HDAC10: variants seen among roughly 807,000 people sequenced by gnomAD.
HDAC10 encodes polyamine deacetylase HDAC10.
HDAC10 carries 90 observed loss-of-function variants against 82.3 expected under a neutral mutation model. The ratio of observed to expected loss-of-function variants is 1.09; its 90% confidence interval spans 0.92 to 1.30. The LOEUF (loss-of-function observed/expected upper bound fraction) is 1.30, where lower values mean the gene tolerates loss of function less well. HDAC10 is among the 50% of genes most tolerant of loss of function. HDAC10 has a pLI of 0.00. For synonymous variants in HDAC10, 456 were observed against 391.7 expected (o/e 1.16, Z -1.94); for missense variants, 934 against 876.3 (o/e 1.07, Z -0.83).
chr22:50,246,465 G>T, intron 16 of HDAC10, 89 bp from the exon 17 acceptor site: 1 of 1,202,824 alleles, frequency 8.3e-7, no homozygotes, highest in Non-Finnish European at 1.2e-6. Context: ...CATTCACGGG[G>T]CCATGGGCAG....
chr22:50,249,552 C>T lies in HDAC10; in HGVS notation c.563+83G>A. 1 of 1,606,836 alleles carries T rather than the reference C, an allele frequency of 6.2e-7. No individual in the cohort carries two copies. Among genetic ancestry groups the T allele is most frequent in the South Asian group, 1.1e-5 (1 of 90,822 alleles). ...CTGACCCCTGAGCACATGTCTGTAT[C>T]TCACCCCTGGATTTTCCCAGGCCAG... On this transcript the variant is annotated intron_variant, in intron 6 of 19. Coordinates refer to ENST00000216271, the MANE Select transcript of HDAC10 (RefSeq NM_032019.6). This position sits in a 1 kb window ranked among gnomAD's most constrained non-coding sequence, Gnocchi z 4.4.
chr22:50,245,801 G>T lies in HDAC10; in HGVS notation c.1860C>A (p.Ile620=). The change falls in exon 19 of 20, where the codon ATC becomes ATA. Residue 620 remains isoleucine, a synonymous_variant. Coordinates refer to ENST00000216271, the MANE Select transcript of HDAC10 (RefSeq NM_032019.6). ...EENSTPQLAG[I]LARVLNGEAP... is the part of the protein sequence containing the mutation. ...CCTCTCCATTCAGCACCCGGGCCAG[G>T]ATCCCTGCTAGCTGGGGTGTGGAGT... 1 of 1,585,364 alleles carries T rather than the reference G, an allele frequency of 6.3e-7. No homozygotes were observed. Among genetic ancestry groups the T allele is most frequent in the Non-Finnish European group, 8.6e-7 (1 of 1,165,968 alleles).
intron 2 of HDAC10, 64 bp from the exon 3 acceptor site, chr22:50,250,587 G>A: frequency 7.1e-7 from 1 of 1,401,552 alleles, no homozygotes; most frequent in South Asian, 1.2e-5. Context: ...GCGGGAGGCG[G>A]GGACCTGGGA....
Position 50,246,072 on chromosome 22 carries a change from G to T in HDAC10, c.1671C>A (p.Ser557Arg). ...PLPVMTGGFL[S>R]CILGLVLPLA... ...GGGGCAGCACCAAGCCCAAGATGCA[G>T]CTCAGGAAACCACCGGTCATCTGTG... Residue 557 changes from serine (S) to arginine (R), a missense_variant, in exon 18 of 20, where the codon AGC becomes AGA. Physicochemically the swap from Ser to Arg is moderately radical, Grantham distance 110. Transcript: ENST00000216271. 1 of 1,608,640 alleles carries T rather than the reference G, an allele frequency of 6.2e-7. No individual in the cohort carries two copies. Among genetic ancestry groups the T allele is most frequent in the Non-Finnish European group, 8.5e-7 (1 of 1,176,958 alleles).
Position 50,245,951 on chromosome 22 carries a change from G to A in HDAC10, c.1792C>T (p.Arg598Trp), listed in dbSNP as rs768669155. ...PHAALLAAMLRGLAGGRVLAL... is the reference protein window; with the variant it reads ...PHAALLAAMLWGLAGGRVLAL... ...AGGACTCGGCCCCCTGCCAGCCCCCGAAGCATTGCAGCCAGGAGTGCAGCG... is the reference window on the plus strand; with the variant it reads ...AGGACTCGGCCCCCTGCCAGCCCCCAAAGCATTGCAGCCAGGAGTGCAGCG... The change falls in exon 18 of 20, where the codon CGG (arginine) becomes TGG (tryptophan). Residue 598 changes from arginine to tryptophan, a missense_variant. Physicochemically the swap from Arg to Trp is moderately radical, Grantham distance 101 (BLOSUM62 -3). Coordinates refer to ENST00000216271, the MANE Select transcript of HDAC10 (RefSeq NM_032019.6). 17 of 1,601,418 alleles carry A rather than the reference G, an allele frequency of 1.1e-5. No homozygotes were observed. Among genetic ancestry groups the A allele is most frequent in the South Asian group, 5.6e-5 (5 of 89,508 alleles).
At position 50,245,901 on chromosome 22, in the gene HDAC10, C is replaced by T; in HGVS notation, c.1833+9G>A. ...CCACCCCGCAGCACCTCCACCCTGC[C>T]CAGCTTACCTCCTCCAGGAGGGCCA... On this transcript the variant is annotated intron_variant, in intron 18 of 19. Transcript: ENST00000216271. 1 of 1,566,418 alleles carries T rather than the reference C, an allele frequency of 6.4e-7. No individual in the cohort carries two copies. The highest frequency in any genetic ancestry group is 8.7e-7 in the Non-Finnish European group (1 of 1,155,794).
At chr22:50,247,543 C>G in intron 14 of HDAC10, 149 bp downstream of exon 14, 1 of 608,936 alleles carries the variant, frequency 1.6e-6, no homozygotes, top group South Asian at 2.3e-5. Flanking sequence ...TGGGGCTGTT[C>G]TGGGAACAGT....
chr22:50,246,908 G>C lies in HDAC10; in HGVS notation c.1481C>G (p.Ala494Gly). Residue 494 changes from alanine (A) to glycine (G), a missense_variant, in exon 15 of 20, where the codon GCT becomes GGT. Transcript: ENST00000216271. Reference sequence around the variant, plus strand: ...TCCGTGGGACAGGCCTCTCCGAACAGCCACATCCAGGGTGGCTGCTGCAGC... The same window carrying C: ...TCCGTGGGACAGGCCTCTCCGAACACCCACATCCAGGGTGGCTGCTGCAGC... ...ASAAAATLDVAVRRGLSHGAQ... is the reference protein window; with the variant it reads ...ASAAAATLDVGVRRGLSHGAQ... 1 of 1,612,396 alleles carries C rather than the reference G, an allele frequency of 6.2e-7. No individual in the cohort carries two copies. Among genetic ancestry groups the C allele is most frequent in the South Asian group, 1.1e-5 (1 of 90,980 alleles).
Position 50,249,109 on chromosome 22 carries a change from G to T in HDAC10, c.750C>A (p.Ala250=), listed in dbSNP as rs1351331152. ...AAFLHLLLPL[A]FEFDPELVLV... is the part of the protein sequence containing the mutation. Reference sequence around the variant, plus strand: ...GAGCCCTCCGTGCAGTCACCTCAAAGGCCAGTGGGAGCAGCAGGTGCAGGA... The same window carrying T: ...GAGCCCTCCGTGCAGTCACCTCAAATGCCAGTGGGAGCAGCAGGTGCAGGA... Residue 250 remains alanine (A), a synonymous_variant, in exon 8 of 20, where the codon GCC becomes GCA. Coordinates refer to ENST00000216271, the MANE Select transcript of HDAC10 (RefSeq NM_032019.6). This position sits in a 1 kb window ranked among gnomAD's most constrained non-coding sequence, Gnocchi z 4.4. 1.2e-6 allele frequency: 2 copies of T among 1,600,266 alleles called. No individual in the cohort carries two copies. Among genetic ancestry groups the T allele is most frequent in the African/African-American group, 1.3e-5 (1 of 74,740 alleles).
rs201680425 is a variant in HDAC10, at chr22:50,246,874, C to T, written c.1514+1G>A. 9.9e-5 allele frequency: 159 copies of T among 1,611,090 alleles called. 1 individual carries two copies. The highest frequency in any genetic ancestry group is 9.3e-6 in the Non-Finnish European group (11 of 1,178,448). ...GCTCAGGATGGCCAAGTGAGGCTTA[C>T]CTCTGGGCTCCGTGGGACAGGCCTC... is the stretch of plus-strand genomic sequence containing the variant. On this transcript the variant is annotated splice_donor_variant, in intron 15 of 19. Transcript: ENST00000216271. LOFTEE classifies it high-confidence loss of function.
chr22:50,248,299 G>C lies in HDAC10; in HGVS notation c.1014-7C>G, dbSNP rs1424433596. 2 of 1,612,336 alleles carry C rather than the reference G, an allele frequency of 1.2e-6. No individual in the cohort carries two copies. Among genetic ancestry groups the C allele is most frequent in the Admixed American group, 3.3e-5 (2 of 59,998 alleles). ...CTGGATGGACTCTAGGGCACTGTGA[G>C]GGAGACACAACAGTCGTGACACCTG... On this transcript the variant is annotated splice_polypyrimidine_tract_variant and splice_region_variant and intron_variant, in intron 11 of 19. Coordinates refer to ENST00000216271, the MANE Select transcript of HDAC10 (RefSeq NM_032019.6). The surrounding 1 kb of genome is among the most constrained non-coding windows in gnomAD (Gnocchi z 5.4).
chr22:50,248,415 G>A lies in HDAC10; in HGVS notation c.964C>T (p.Leu322=). ...GACAGGGGTGGGGCCGGGTCACCCA[G>A]CAGCGTCTGTACTGTCATGCACACT... is the stretch of plus-strand genomic sequence containing the variant. The part of the protein sequence containing the change: ...ESVCMTVQTL[L]GDPAPPLSGP... Residue 322 remains leucine (L), a synonymous_variant, in exon 11 of 20, where the codon CTG becomes TTG. Coordinates refer to ENST00000216271, the MANE Select transcript of HDAC10 (RefSeq NM_032019.6). This position sits in a 1 kb window ranked among gnomAD's most constrained non-coding sequence, Gnocchi z 5.4. 6.2e-7 allele frequency: 1 copy of A among 1,608,892 alleles called. No homozygotes were observed.
chr22:50,247,336 T>C (rs2064979128), intron 14 of HDAC10: 1 of 306,270 alleles, frequency 3.3e-6, no homozygotes, highest in Non-Finnish European at 6.1e-6. Context: ...TCTCCATATG[T>C]TCTCTAGGCT....
In HDAC10 at chr22:50,249,534, C is replaced by G. The variant is rs1255558875; in HGVS notation, c.564-80G>C. ...ACAGCTCCCTGTAGAACGCTGACCC[C>G]TGAGCACATGTCTGTATCTCACCCC... On this transcript the variant is annotated intron_variant, in intron 6 of 19. Coordinates refer to ENST00000216271, the MANE Select transcript of HDAC10 (RefSeq NM_032019.6). The surrounding 1 kb of genome is among the most constrained non-coding windows in gnomAD (Gnocchi z 4.4). 1.6e-5 allele frequency: 25 copies of G among 1,605,658 alleles called. No homozygotes were observed. The highest frequency in any genetic ancestry group is 1.7e-4 in the Middle Eastern group (1 of 6,042).
rs1246595725 is a variant in HDAC10, at chr22:50,250,695, G to A, written c.194+76C>T. On this transcript the variant is annotated intron_variant, in intron 2 of 19. Coordinates refer to ENST00000216271, the MANE Select transcript of HDAC10 (RefSeq NM_032019.6). ...CTGTATTCGAGGCTGGCAGGCTCGGGGTAGGCCCAGGTTCTTAGGTTTCTA... is the reference window on the plus strand; with the variant it reads ...CTGTATTCGAGGCTGGCAGGCTCGGAGTAGGCCCAGGTTCTTAGGTTTCTA... 6.3e-6 allele frequency: 9 copies of A among 1,438,016 alleles called. No individual in the cohort carries two copies. The East Asian group carries it at 2.2e-4, about 35-fold the overall frequency. The allele number at this position is 1,438,016 out of a possible 1,614,324, so 89.1% of individuals were successfully genotyped here.
Position 50,250,827 on chromosome 22 carries a change from C to T in HDAC10, c.138G>A (p.Arg46=), listed in dbSNP as rs759312099. The change falls in exon 2 of 20, where the codon AGG becomes AGA. Residue 46 remains arginine (R), a synonymous_variant. Coordinates refer to ENST00000216271, the MANE Select transcript of HDAC10 (RefSeq NM_032019.6). Reference sequence around the variant, plus strand: ...CCTCGCGGGCTGACAACCGCAGACACCTCTGTTCCAGGCCGCGCTGCCGCA... The same window carrying T: ...CCTCGCGGGCTGACAACCGCAGACATCTCTGTTCCAGGCCGCGCTGCCGCA... The part of the protein sequence containing the change: ...DRLRQRGLEQ[R]CLRLSAREAS... 5 of 1,604,382 alleles carry T rather than the reference C, an allele frequency of 3.1e-6. No individual in the cohort carries two copies. In the Admixed American group the frequency reaches 6.7e-5, roughly 22 times the overall value.
chr22:50,250,613 G>T, intron 2 of HDAC10, 90 bp from the exon 3 acceptor site: 1 of 1,321,062 alleles, frequency 7.6e-7, no homozygotes. Flanking sequence ...GGTGGGAGTG[G>T]CCACCCTGTC....
intron 14 of HDAC10, chr22:50,247,321 CAG>C (rs1217178743): frequency 6.6e-6 from 2 of 302,644 alleles, no homozygotes; most frequent in Non-Finnish European, 6.1e-6. Context: ...TTTGTGAAGA[CAG>C]GGTCTCCATA....
At position 50,247,739 on chromosome 22, in the gene HDAC10, C is replaced by T; in HGVS notation, c.1375G>A (p.Ala459Thr). 6.2e-7 allele frequency: 1 copy of T among 1,603,366 alleles called. No homozygotes were observed. Among genetic ancestry groups the T allele is most frequent in the South Asian group, 1.1e-5 (1 of 90,640 alleles). Residue 459 changes from alanine to threonine, a missense_variant, in exon 14 of 20, where the codon GCA becomes ACA. Ala to Thr is a moderately conservative substitution (Grantham distance 58, BLOSUM62 0). Coordinates refer to ENST00000216271, the MANE Select transcript of HDAC10 (RefSeq NM_032019.6). ...AAGAGGTACAGGAGCTTCCCAAGTG[C>T]AGTGAGGGCCTCCTCCCGGGCCAGG... ...ESLAREEALT[A>T]LGKLLYLLDG...
Sources: allele counts gnomAD v4.1 joint callset, GRCh38; gene constraint gnomAD v4.1.1; non-coding constraint Gnocchi (gnomAD v3.1); transcripts MANE v1.5; gene names NCBI Gene and HGNC (gene_info 2026-07-23, HGNC 2026-07-21).